PHACTR1: variants seen among roughly 807,000 people sequenced by gnomAD.
PHACTR1 encodes RPEL repeat containing 1.
A neutral mutation model predicts 69.2 loss-of-function variants in PHACTR1; 16 were observed. That is an observed-to-expected ratio of 0.23 (90% CI 0.16 to 0.35). PHACTR1 has a LOEUF of 0.35. PHACTR1 is among the 10% of genes least tolerant of loss of function. The pLI, the probability that PHACTR1 is intolerant of heterozygous loss-of-function variation, is 1.00. For missense variants in PHACTR1, 510 were observed against 734.7 expected (o/e 0.69, Z 3.54); for synonymous variants, 312 against 284.5 (o/e 1.10, Z -0.97).
rs1195089569 is a variant in PHACTR1 at position 13,064,547 on chromosome 6, GATATATATATATATATATATATAT to G, written c.415+11053_415+11076del. Among the ~76,000 whole-genome samples, 66 of 70,210 alleles carry G rather than the reference GATATATATATATATATATATATAT, an allele frequency of 9.4e-4. 1 individual carries two copies. The highest frequency in any genetic ancestry group is 2.3e-3 in the African/African-American group (47 of 20,322). 46.1% of individuals were successfully genotyped at this position (70,210 alleles called of 152,430 possible). On this transcript the variant is annotated intron_variant, in intron 5 of 14. Transcript: ENST00000332995. ...GCAACGGGAAGGGGAGAAGGGAAAA[GATATATATATATATATATATATAT>G]ATATATATATATATATATATATATA...
intron 3 of PHACTR1, among the ~76,000 whole-genome samples, chr6:12,726,322 C>A (rs868196461): frequency 6.6e-6 from 1 of 152,132 alleles, no homozygotes; most frequent in East Asian, 1.9e-4. Context: ...TAGGCAAACA[C>A]CCAACTCTTA....
rs551482201 is a variant in PHACTR1, at chr6:13,211,248, T to C, written c.986+5112T>C. ...AGCAGTGTACACTGTACCCAGTGTGTAGTCTTTTATCCCTCACCAGCCTCC... is the reference window on the plus strand; with the variant it reads ...AGCAGTGTACACTGTACCCAGTGTGCAGTCTTTTATCCCTCACCAGCCTCC... On this transcript the variant is annotated intron_variant, in intron 8 of 14. Coordinates refer to ENST00000332995, the MANE Select transcript of PHACTR1 (RefSeq NM_030948.6). Among the ~76,000 whole-genome samples the C allele has an allele frequency of 7.7e-4, 118 of 152,264 alleles. 1 individual carries two copies. The highest frequency in any genetic ancestry group is 1.3e-3 in the Non-Finnish European group (89 of 68,018).
At chr6:13,058,653 G>A (rs1170454299) in intron 5 of PHACTR1, among the ~76,000 whole-genome samples, 1 of 152,156 alleles carries the variant, frequency 6.6e-6, no homozygotes, top group African/African-American at 2.4e-5. Context: ...GAGAAGGAGA[G>A]GGGGGACTTC....
At chr6:12,772,471 A>T (rs2127629211) in intron 4 of PHACTR1, among the ~76,000 whole-genome samples, 1 of 152,296 alleles carries the variant, frequency 6.6e-6, no homozygotes, top group East Asian at 1.9e-4. Context: ...TTCAATGGAC[A>T]ATTATCCTCT....
chr6:13,125,415 G>A (rs2127954357), intron 5 of PHACTR1, among the ~76,000 whole-genome samples: 1 of 151,898 alleles, frequency 6.6e-6, no homozygotes, highest in African/African-American at 2.4e-5. Flanking sequence ...AAGACCAGCA[G>A]CTTTTAGAAG....
chr6:12,939,576 G>A (rs1789844570), intron 4 of PHACTR1, among the ~76,000 whole-genome samples: 3 of 152,172 alleles, frequency 2.0e-5, no homozygotes, highest in Non-Finnish European at 4.4e-5. Context: ...TTGGAGAAAA[G>A]CAGTAGATTA....
At chr6:13,231,590 T>C (rs1771215584) in intron 10 of PHACTR1, among the ~76,000 whole-genome samples, 1 of 152,232 alleles carries the variant, frequency 6.6e-6, no homozygotes, top group Admixed American at 6.5e-5. Context: ...CACTCTCTGA[T>C]ATACGGTTAA....
At chr6:13,087,652 CT>C (rs112624746) in intron 5 of PHACTR1, among the ~76,000 whole-genome samples, 236 of 144,502 alleles carry the variant, frequency 1.6e-3, no homozygotes, top group Admixed American at 1.7e-3. Context: ...AGCAGGCTTT[CT>C]TTTTTTTTTT....
At chr6:12,912,387 A>AT (rs1223749141) in intron 4 of PHACTR1, among the ~76,000 whole-genome samples, 1 of 152,142 alleles carries the variant, frequency 6.6e-6, no homozygotes, top group Non-Finnish European at 1.5e-5. Flanking sequence ...TATGTTGGTA[A>AT]TTTTTTCCAT....
intron 4 of PHACTR1, among the ~76,000 whole-genome samples, chr6:13,048,901 A>G (rs571236731): frequency 6.2e-4 from 94 of 152,342 alleles, no homozygotes; most frequent in Non-Finnish European, 1.2e-3. Flanking sequence ...TAAGCCTTCC[A>G]ATATCATTAT....
At chr6:13,088,291 T>C (rs1812639552) in intron 5 of PHACTR1, among the ~76,000 whole-genome samples, 1 of 151,390 alleles carries the variant, frequency 6.6e-6, no homozygotes, top group Non-Finnish European at 1.5e-5. Context: ...TTGACAGTTC[T>C]ATTTCCCCCC....
chr6:13,048,777 C>T (rs1805491229), intron 4 of PHACTR1, among the ~76,000 whole-genome samples: 1 of 152,182 alleles, frequency 6.6e-6, no homozygotes, highest in African/African-American at 2.4e-5. Context: ...GGTGATCCAC[C>T]TGCCTTGGCC....
intron 13 of PHACTR1, among the ~76,000 whole-genome samples, chr6:13,284,307 CAGG>C (rs1413393122): frequency 6.6e-6 from 1 of 151,726 alleles, no homozygotes; most frequent in East Asian, 1.9e-4. Context: ...CACTTGAGGT[CAGG>C]AGTTCAAGAC....
chr6:13,215,420 G>C (rs896243306), intron 8 of PHACTR1, among the ~76,000 whole-genome samples: 4 of 152,198 alleles, frequency 2.6e-5, no homozygotes, highest in African/African-American at 9.7e-5. Flanking sequence ...CAGATGGAGA[G>C]GAGAATGGGA....
intron 4 of PHACTR1, among the ~76,000 whole-genome samples, chr6:13,010,764 A>C (rs1226059937): frequency 6.6e-6 from 1 of 152,066 alleles, no homozygotes; most frequent in Non-Finnish European, 1.5e-5. Flanking sequence ...TCATACAGCT[A>C]AGTGACACTG....
chr6:13,144,664 G>A (rs1823025953), intron 5 of PHACTR1, among the ~76,000 whole-genome samples: 1 of 151,756 alleles, frequency 6.6e-6, no homozygotes, highest in East Asian at 1.9e-4. Context: ...TGCTTGGGAG[G>A]CTGAGGTGGG....
intron 10 of PHACTR1, among the ~76,000 whole-genome samples, chr6:13,244,772 C>T (rs937699606): frequency 1.3e-5 from 2 of 152,198 alleles, no homozygotes; most frequent in Non-Finnish European, 2.9e-5. Flanking sequence ...CTCAAACACA[C>T]ATGCTGTACA....
chr6:12,796,102 GA>G (rs1165496313), intron 4 of PHACTR1, among the ~76,000 whole-genome samples: 5 of 152,108 alleles, frequency 3.3e-5, no homozygotes, highest in African/African-American at 1.2e-4. Flanking sequence ...AAAGACTTGG[GA>G]AAGAAGGAAA....
chr6:12,830,019 AAAG>A (rs1777269568), intron 4 of PHACTR1, among the ~76,000 whole-genome samples: 3 of 125,906 alleles, frequency 2.4e-5, no homozygotes, highest in African/African-American at 9.0e-5. Flanking sequence ...GAAGGAAGGA[AAAG>A]AAAGAAAGAA....
Sources: allele counts gnomAD v4.1 joint callset (sites outside exome capture counted in the v4.1 genomes callset), GRCh38; gene constraint gnomAD v4.1.1; transcripts MANE v1.5; gene names NCBI Gene and HGNC (gene_info 2026-07-23, HGNC 2026-07-21).